The following RTN4 variants were observed in gnomAD, a reference collection of about 807,000 sequenced individuals.
RTN4 encodes the protein reticulon-4.
In RTN4, 32 loss-of-function variants were observed where a neutral mutation model predicts 90.4. That is an observed-to-expected ratio of 0.35 (90% CI 0.27 to 0.48). The LOEUF (loss-of-function observed/expected upper bound fraction) is 0.48. RTN4 is among the 20% of genes least tolerant of loss of function. RTN4 has a pLI of 0.99. For missense variants in RTN4, 1,706 were observed against 1,430.2 expected, an observed-to-expected ratio of 1.19 and a Z score of -3.11; for synonymous variants, 629 against 552.5, an observed-to-expected ratio of 1.14 and a Z score of -1.94.
chr2:55,075,436 A>T (rs761673137), intron 2 of RTN4, among the ~76,000 whole-genome samples: 1 of 152,222 alleles, frequency 6.6e-6, no homozygotes, highest in African/African-American at 2.4e-5. Flanking sequence ...GAAATAAATC[A>T]TAGGTGACAC....
At chr2:54,974,527 C>A (rs1444324302) in intron 6 of RTN4, among the ~76,000 whole-genome samples, 168 bp downstream of exon 6, 1 of 152,202 alleles carries the variant, frequency 6.6e-6, no homozygotes, top group Non-Finnish European at 1.5e-5. Flanking sequence ...GTGATCCGCC[C>A]ACCTTGGCCT....
At chr2:55,050,455 A>C (rs1668045485), upstream of RTN4, 2 of 431,770 alleles carry the variant, frequency 4.6e-6, no homozygotes, top group Non-Finnish European at 4.0e-6. The surrounding 1 kb of genome is among the most constrained non-coding windows in gnomAD (Gnocchi z 4.6). Context: ...GAACAATGAG[A>C]CTGCTCCTCC....
At chr2:55,082,477 G>A (rs1668740338) in intron 1 of RTN4, among the ~76,000 whole-genome samples, 1 of 152,144 alleles carries the variant, frequency 6.6e-6, no homozygotes, top group African/African-American at 2.4e-5. Flanking sequence ...CAGCCTTGGC[G>A]ACTGGCCCAA....
At chr2:55,116,618 C>A (rs987082237), upstream of RTN4, among the ~76,000 whole-genome samples, 1 of 152,144 alleles carries the variant, frequency 6.6e-6, no homozygotes, top group African/African-American at 2.4e-5. Flanking sequence ...ATCAAAATAG[C>A]CCCATGAGGT....
At chr2:55,076,122 A>ATT (rs2105023035) in intron 2 of RTN4, among the ~76,000 whole-genome samples, 1 of 152,340 alleles carries the variant, frequency 6.6e-6, no homozygotes, top group South Asian at 2.1e-4. Context: ...AGCAAAAGAA[A>ATT]TAATCAGCAG....
At chr2:55,086,825 A>ATTTTTTTTTTTTTTTTTTT (rs146093058) in intron 1 of RTN4, among the ~76,000 whole-genome samples, 1 of 140,484 alleles carries the variant, frequency 7.1e-6, no homozygotes, top group Non-Finnish European at 1.5e-5. Context: ...TTCAACTTTA[A>ATTTTTTTTTTTTTTTTTTT]TTTATTTTTT....
intron 1 of RTN4, among the ~76,000 whole-genome samples, chr2:55,103,030 A>G (rs980640589): frequency 1.5e-4 from 22 of 151,452 alleles, no homozygotes; most frequent in Admixed American, 6.6e-4. Flanking sequence ...AGGCAGGAGA[A>G]TCACTTGAAC....
chr2:55,026,509 G>C lies in RTN4; in HGVS notation c.1590C>G (p.Val530=). 1 of 1,613,896 alleles carries C rather than the reference G, an allele frequency of 6.2e-7. No homozygotes were observed. Among genetic ancestry groups the C allele is most frequent in the Non-Finnish European group, 8.5e-7 (1 of 1,179,928 alleles). ...TCACCTTTGTTAAATTATCTGTTGT[G>C]ACATAATCTGTCTCAGAATCCTGTG... ...VAAQDSETDY[V]TTDNLTKVTE... Residue 530 remains valine (V), a synonymous_variant, in exon 3 of 9, where the codon GTC becomes GTG. Transcript: ENST00000337526.
rs199869997 is a variant in RTN4 at position 55,025,253 on chromosome 2, A to T, written c.2846T>A (p.Leu949His). Residue 949 changes from leucine (L) to histidine (H), a missense_variant, in exon 3 of 9, where the codon CTC becomes CAC. Leu to His is a moderately conservative substitution (Grantham distance 99). Transcript: ENST00000337526. ...SKNGSATSKV[L>H]LLPPDVSALA... ...AGCAGAAACATCTGGAGGCAATAAGAGCACCTTTGATGTAGCAGACCCATT... is the reference window on the plus strand; with the variant it reads ...AGCAGAAACATCTGGAGGCAATAAGTGCACCTTTGATGTAGCAGACCCATT... 3.1e-6 allele frequency: 5 copies of T among 1,613,920 alleles called. No homozygotes were observed. The highest frequency in any genetic ancestry group is 4.2e-6 in the Non-Finnish European group (5 of 1,179,868).
chr2:55,090,799 C>G (rs144278749), intron 1 of RTN4, among the ~76,000 whole-genome samples: 81 of 152,228 alleles, frequency 5.3e-4, no homozygotes, highest in African/African-American at 1.9e-3. Context: ...GCTCCACCCC[C>G]TAAACATGCT....
chr2:55,018,869 T>G (rs1558810490), intron 3 of RTN4, among the ~76,000 whole-genome samples: 2 of 152,176 alleles, frequency 1.3e-5, no homozygotes, highest in South Asian at 4.1e-4. Context: ...TAGCTCTTGA[T>G]CTTTAATACC....
At chr2:55,135,289 C>A in the RTN4 span, among the ~76,000 whole-genome samples, 2 of 150,362 alleles carry the variant, frequency 1.3e-5, no homozygotes, top group Non-Finnish European at 1.5e-5. Flanking sequence ...CTCACGGCAA[C>A]CTCCGCCTCC....
the RTN4 span, among the ~76,000 whole-genome samples, chr2:55,120,722 C>T: frequency 3.9e-5 from 6 of 151,978 alleles, no homozygotes; most frequent in South Asian, 4.2e-4. Context: ...ATTAGAGCAA[C>T]GGGGAAGGAG....
rs991758119 is a variant in RTN4, at chr2:55,095,088, C to T, written c.-213-14449G>A. Among the ~76,000 whole-genome samples, 7 of 152,022 alleles carry T rather than the reference C, an allele frequency of 4.6e-5. No individual in the cohort carries two copies. The South Asian group carries it at 6.2e-4, about 13-fold the overall frequency. On this transcript the variant is annotated intron_variant, in intron 1 of 3. Coordinates refer to the RTN4 transcript ENST00000427710. ...CCTGTAATCGCAGCACTTGGAAGGC[C>T]GAGGCAGGTGGATCACCTGACTTCA... is the stretch of plus-strand genomic sequence containing the variant.
chr2:55,102,144 A>T (rs1573518139), intron 1 of RTN4, among the ~76,000 whole-genome samples: 1 of 152,170 alleles, frequency 6.6e-6, no homozygotes, highest in Non-Finnish European at 1.5e-5. Flanking sequence ...ATAACTTTCC[A>T]TCCAAATCAT....
At chr2:55,136,496 C>T in the RTN4 span, among the ~76,000 whole-genome samples, 10 of 152,320 alleles carry the variant, frequency 6.6e-5, no homozygotes, top group East Asian at 1.9e-3. Flanking sequence ...CCTTTTGTTC[C>T]TGCGCTAAAA....
At chr2:55,006,265 G>A (rs1164848118) in intron 3 of RTN4, among the ~76,000 whole-genome samples, 2 of 152,124 alleles carry the variant, frequency 1.3e-5, no homozygotes, top group Non-Finnish European at 2.9e-5. Flanking sequence ...TCTAGAAAAT[G>A]TATCTAATGA....
the RTN4 span, among the ~76,000 whole-genome samples, chr2:55,131,650 G>C: frequency 6.6e-6 from 1 of 152,282 alleles, no homozygotes; most frequent in Non-Finnish European, 1.5e-5. Flanking sequence ...TTGGGAAGCC[G>C]AGGTGGGTGT....
rs558796071 is a variant in RTN4, at chr2:55,088,369, C to T, written c.-213-7730G>A. On this transcript the variant is annotated intron_variant, in intron 1 of 3. Coordinates refer to the RTN4 transcript ENST00000427710. The stretch of plus-strand genomic sequence containing the variant: ...TTTATTTAAAAATGCAAAGCACACA[C>T]ATATTCTTTTCTATTAACTGTTAGG... Among the ~76,000 whole-genome samples the T allele has an allele frequency of 1.1e-3, 160 of 152,342 alleles. 3 individuals carry two copies. Among genetic ancestry groups the T allele is most frequent in the Non-Finnish European group, 1.9e-4 (13 of 68,038 alleles).
Sources: allele counts gnomAD v4.1 joint callset (sites outside exome capture counted in the v4.1 genomes callset), GRCh38; gene constraint gnomAD v4.1.1; non-coding constraint Gnocchi (gnomAD v3.1); transcripts MANE v1.5; gene names NCBI Gene and HGNC (gene_info 2026-07-23, HGNC 2026-07-21).